The following LRP2BP variants were observed in gnomAD, a reference collection of about 807,000 sequenced individuals.
The protein encoded by LRP2BP is LRP2-binding protein.
In LRP2BP, 38 loss-of-function variants were observed where a neutral mutation model predicts 45.2. The observed-to-expected ratio is 0.84, with a 90% confidence interval of 0.65 to 1.10. The LOEUF (loss-of-function observed/expected upper bound fraction) is 1.10, where lower values mean the gene tolerates loss of function less well. Ranked by LOEUF, LRP2BP falls within the 50% of genes least tolerant of loss-of-function variation. The probability of loss-of-function intolerance (pLI) is 0.00; values close to 1 mark genes in which losing one functional copy is unlikely to be tolerated. For synonymous variants in LRP2BP, 153 were observed against 153.9 expected, an observed-to-expected ratio of 0.99 and a Z score of 0.04; for missense variants, 385 against 418.9, an observed-to-expected ratio of 0.92 and a Z score of 0.71.
Position 185,367,234 on chromosome 4 carries a change from C to A in LRP2BP, c.990G>T (p.Leu330=). The change falls in exon 9 of 9, where the codon CTG becomes CTT. Residue 330 remains leucine, a synonymous_variant. Coordinates refer to ENST00000505916, the MANE Select transcript of LRP2BP (RefSeq NM_001377440.1). ...AKHYYSKACR[L]NPALADELHS... Reference sequence around the variant, plus strand: ...GAAGTTCATCTGCCAATGCGGGATTCAGACGACAAGCCTTAAAATCAAAAA... The same window carrying A: ...GAAGTTCATCTGCCAATGCGGGATTAAGACGACAAGCCTTAAAATCAAAAA... 3 of 1,611,138 alleles carry A rather than the reference C, an allele frequency of 1.9e-6. No individual in the cohort carries two copies. The highest frequency in any genetic ancestry group is 2.5e-6 in the Non-Finnish European group (3 of 1,178,292).
Position 185,372,920 on chromosome 4 carries a change from C to G in LRP2BP, c.739G>C (p.Gly247Arg), listed in dbSNP as rs148413560. 1 of 1,613,520 alleles carries G rather than the reference C, an allele frequency of 6.2e-7. No homozygotes were observed. Among genetic ancestry groups the G allele is most frequent in the African/African-American group, 1.3e-5 (1 of 74,914 alleles). ...TTATAGTAATACTCCACGAGATTCCCTTGAGCATAGACGTTTCCGCGTTCT... is the reference window on the plus strand; with the variant it reads ...TTATAGTAATACTCCACGAGATTCCGTTGAGCATAGACGTTTCCGCGTTCT... ...AAERGNVYAQ[G>R]NLVEYYYKMK... The change falls in exon 7 of 9, where the codon GGG becomes CGG. Residue 247 changes from glycine to arginine, a missense_variant. Physicochemically the swap from Gly to Arg is moderately radical, Grantham distance 125. Coordinates refer to ENST00000505916, the MANE Select transcript of LRP2BP (RefSeq NM_001377440.1).
At chr4:185,368,136 C>G in intron 8 of LRP2BP, among the ~76,000 whole-genome samples, 1 of 152,180 alleles carries the variant, frequency 6.6e-6, no homozygotes, top group East Asian at 1.9e-4. Context: ...CGAGATTGCG[C>G]CACTGCACTC....
rs577136088 is a variant in LRP2BP at position 185,365,995 on chromosome 4, A to G, written c.*1185T>C. 25 of 152,174 alleles carry G rather than the reference A, an allele frequency of 1.6e-4. No homozygotes were observed. The highest frequency in any genetic ancestry group is 2.6e-4 in the Non-Finnish European group (18 of 68,038). The allele number at this position is 152,174 out of a possible 1,614,324, so 9.4% of individuals were successfully genotyped here. ...TGACTATCACCTCCATATTAATTGC[A>G]TTTTCCCATTACTAAAAAGAAATCT... On this transcript the variant is annotated 3_prime_UTR_variant, in exon 9 of 9. Coordinates refer to ENST00000505916, the MANE Select transcript of LRP2BP (RefSeq NM_001377440.1).
intron 1 of LRP2BP, among the ~76,000 whole-genome samples, chr4:185,379,999 A>C (rs139031816): frequency 2.6e-5 from 4 of 152,142 alleles, no homozygotes; most frequent in African/African-American, 9.6e-5. Context: ...AATTCCTTAA[A>C]ATTTTTGTAG....
intron 1 of LRP2BP, chr4:185,378,586 T>C: frequency 1.0e-6 from 1 of 1,000,084 alleles, no homozygotes; most frequent in Non-Finnish European, 1.2e-6. Flanking sequence ...TTCTCTGCCC[T>C]TGTAACTGAC....
At position 185,366,837 on chromosome 4, in the gene LRP2BP, TACTAA is replaced by T. The variant is rs2095389591; in HGVS notation, c.*338_*342del. The T allele has an allele frequency of 2.4e-5, 4 of 166,230 alleles. No individual in the cohort carries two copies. Among genetic ancestry groups the T allele is most frequent in the East Asian group, 3.2e-4 (2 of 6,230 alleles). The allele number at this position is 166,230 out of a possible 1,614,324, so 10.3% of individuals were successfully genotyped here. A position where few individuals can be genotyped will look rare whatever the true frequency, so the allele number is the denominator to read the frequency against. On this transcript the variant is annotated 3_prime_UTR_variant, in exon 9 of 9. Transcript: ENST00000505916. The stretch of plus-strand genomic sequence containing the variant: ...ATAAGTTTGTTTCTACTTCTGAACT[TACTAA>T]ACTAAAGCTAAACTAAGTATTTTTG...
At chr4:185,369,532 C>T (rs1395124745) in intron 8 of LRP2BP, among the ~76,000 whole-genome samples, 1 of 152,188 alleles carries the variant, frequency 6.6e-6, no homozygotes, top group Non-Finnish European at 1.5e-5. Context: ...GCATGAACCA[C>T]TGTGCCTGGC....
chr4:185,388,016 A>G (rs2126838624), intron 1 of LRP2BP, among the ~76,000 whole-genome samples: 1 of 152,326 alleles, frequency 6.6e-6, no homozygotes, highest in East Asian at 1.9e-4. Context: ...GGCCGAGGAC[A>G]GGCCGGCCCT....
At chr4:185,396,928 T>A (rs532006092), upstream of LRP2BP, 1 of 1,613,722 alleles carries the variant, frequency 6.2e-7, no homozygotes, top group Non-Finnish European at 8.5e-7. Flanking sequence ...CGGGAAATGC[T>A]GTTGCTGGAT....
intron 1 of LRP2BP, among the ~76,000 whole-genome samples, chr4:185,392,602 T>TA (rs200020209): frequency 0.024 from 3,510 of 147,358 alleles, 99 homozygotes; most frequent in African/African-American, 0.075. Flanking sequence ...TGTAGATGTT[T>TA]AAAAAAAAAA....
intron 1 of LRP2BP, chr4:185,390,544 A>G (rs2095485672): frequency 6.6e-6 from 1 of 152,134 alleles, no homozygotes; most frequent in African/African-American, 2.4e-5. Context: ...AAAAAAGAAA[A>G]AATATTTAAT....
At chr4:185,393,374 G>A (rs937098803) in intron 1 of LRP2BP, among the ~76,000 whole-genome samples, 3 of 152,118 alleles carry the variant, frequency 2.0e-5, no homozygotes, top group Admixed American at 6.5e-5. Flanking sequence ...TGTGCCTTTT[G>A]GTAATGCTTT....
At position 185,395,528 on chromosome 4, in the gene LRP2BP, A is replaced by C; in HGVS notation, c.-771T>G. 1.0e-6 allele frequency: 1 copy of C among 984,734 alleles called. No homozygotes were observed. Among genetic ancestry groups the C allele is most frequent in the Non-Finnish European group, 1.2e-6 (1 of 829,272 alleles). 61.0% of individuals were successfully genotyped at this position (984,734 alleles called of 1,614,324 possible). A position where few individuals can be genotyped will look rare whatever the true frequency, so the allele number is the denominator to read the frequency against. Reference sequence around the variant, plus strand: ...CAGTATCTCTACACTGCCGTTCTTTAAACATCATTAAAAGATATTGTGAAT... The same window carrying C: ...CAGTATCTCTACACTGCCGTTCTTTCAACATCATTAAAAGATATTGTGAAT... On this transcript the variant is annotated 5_prime_UTR_variant, in exon 1 of 9. Transcript: ENST00000505916.
intron 1 of LRP2BP, among the ~76,000 whole-genome samples, chr4:185,391,552 A>G (rs934594063): frequency 6.6e-6 from 1 of 152,196 alleles, no homozygotes; most frequent in Non-Finnish European, 1.5e-5. Context: ...AGACTCATGG[A>G]TAACTATGTA....
intron 1 of LRP2BP, among the ~76,000 whole-genome samples, chr4:185,389,695 T>A (rs968850723): frequency 2.0e-5 from 3 of 152,182 alleles, no homozygotes; most frequent in African/African-American, 7.2e-5. Context: ...TATCCAATTT[T>A]ATGCAGGTGC....
At chr4:185,387,998 A>G (rs2095476726) in intron 1 of LRP2BP, among the ~76,000 whole-genome samples, 1 of 152,196 alleles carries the variant, frequency 6.6e-6, no homozygotes, top group Non-Finnish European at 1.5e-5. Flanking sequence ...AGGAAAAGCG[A>G]CGCAGTAGGC....
chr4:185,376,292 T>C (rs1375552159), intron 3 of LRP2BP, among the ~76,000 whole-genome samples: 1 of 152,134 alleles, frequency 6.6e-6, no homozygotes, highest in Non-Finnish European at 1.5e-5. Flanking sequence ...ACATACTTTT[T>C]TTTGAGAGGG....
rs4862521 is a variant in LRP2BP at position 185,370,876 on chromosome 4, G to A, written c.804-62C>T. 10,521 of 1,538,640 alleles carry A rather than the reference G, an allele frequency of 6.8e-3. 624 individuals carry two copies. In the Admixed American group the frequency reaches 0.12, roughly 18 times the overall value. On this transcript the variant is annotated intron_variant, in intron 7 of 8. Transcript: ENST00000505916. Reference sequence around the variant, plus strand: ...CAGTTATGGTAAGTGTTTGTAAAACGATGCGCCTAGAGACTGTCCTTGTGC... The same window carrying A: ...CAGTTATGGTAAGTGTTTGTAAAACAATGCGCCTAGAGACTGTCCTTGTGC...
At chr4:185,372,159 A>C (rs953694333) in intron 7 of LRP2BP, among the ~76,000 whole-genome samples, 9 of 152,252 alleles carry the variant, frequency 5.9e-5, no homozygotes, top group Non-Finnish European at 8.8e-5. Context: ...ATAGAACTGC[A>C]TGACCGAGGA....
Sources: gnomAD v4.1 joint callset for allele counts (sites outside exome capture counted in the v4.1 genomes callset) on GRCh38, gnomAD v4.1.1 for gene constraint, MANE v1.5 for transcripts, NCBI Gene and HGNC (gene_info 2026-07-23, HGNC 2026-07-21) for gene names.